NUP205: variants seen among roughly 807,000 people sequenced by gnomAD.
The protein encoded by NUP205 is nuclear pore complex protein Nup205.
Under a neutral mutation model 253.8 loss-of-function variants are expected in NUP205, and 76 were observed. That is an observed-to-expected ratio of 0.30 (90% CI 0.25 to 0.36). NUP205 has a LOEUF of 0.36. Among genes scored for constraint, NUP205 ranks in the 10% least tolerant of loss-of-function variants. The pLI, the probability that NUP205 is intolerant of heterozygous loss-of-function variation, is 1.00. For missense variants in NUP205, 2,162 were observed against 2,425.5 expected (o/e 0.89, Z 2.28); for synonymous variants, 832 against 850.1 (o/e 0.98, Z 0.37).
At chr7:135,567,130 A>G (rs1171248005) in intron 1 of NUP205, among the ~76,000 whole-genome samples, 68 of 2,434 alleles carry the variant, frequency 0.028, 1 homozygote, top group African/African-American at 0.079. Flanking sequence ...CTATGTGTGT[A>G]TATATATATA....
chr7:135,606,796 G>A lies in NUP205; in HGVS notation c.2951G>A (p.Arg984Lys). 1 of 1,613,802 alleles carries A rather than the reference G, an allele frequency of 6.2e-7. No homozygotes were observed. Among genetic ancestry groups the A allele is most frequent in the Admixed American group, 1.7e-5 (1 of 60,010 alleles). ...KKLVAIRHET[R>K]IHILNLLITS... ...TTAGTTGCAATTCGTCATGAAACAA[G>A]AATCCACATCTTGAATCTTCTCATT... Residue 984 changes from arginine (R) to lysine (K), a missense_variant, in exon 21 of 43, where the codon AGA becomes AAA. By Grantham distance (26) the Arg-to-Lys change is conservative. Coordinates refer to ENST00000285968, the MANE Select transcript of NUP205 (RefSeq NM_015135.3).
rs1380309980 is a variant in NUP205 at position 135,648,384 on chromosome 7, G to A, written c.5887-20G>A. 6.5e-7 allele frequency: 1 copy of A among 1,528,974 alleles called. No individual in the cohort carries two copies. Among genetic ancestry groups the A allele is most frequent in the African/African-American group, 1.4e-5 (1 of 69,810 alleles). 94.7% of individuals were successfully genotyped at this position (1,528,974 alleles called of 1,614,324 possible). A position where few individuals can be genotyped will look rare whatever the true frequency, so the allele number is the denominator to read the frequency against. On this transcript the variant is annotated intron_variant, in intron 42 of 42. Transcript: ENST00000285968. ...TTTGAGACAACAATTTTAACAAAAT[G>A]TCTTTTGTGTCACCGCTAGCTTCAG...
At chr7:135,587,546 AT>A (rs778259470) in intron 8 of NUP205, 28 bp from the exon 9 acceptor site, 13 of 1,355,976 alleles carry the variant, frequency 9.6e-6, no homozygotes, top group Non-Finnish European at 1.3e-5. Flanking sequence ...ACATTTACAT[AT>A]TAAAACTATA....
chr7:135,632,452 C>G (rs1794732977), intron 35 of NUP205, among the ~76,000 whole-genome samples: 1 of 152,070 alleles, frequency 6.6e-6, no homozygotes, highest in Admixed American at 6.5e-5. Context: ...CGAGGCTACA[C>G]TACCTCCATT....
At chr7:135,647,985 A>G (rs1795042514) in intron 42 of NUP205, among the ~76,000 whole-genome samples, 1 of 152,134 alleles carries the variant, frequency 6.6e-6, no homozygotes, top group Admixed American at 6.6e-5. Context: ...ATGAAGTAAA[A>G]AGTAAAAGCT....
At chr7:135,619,305 G>A (rs1469654001) in intron 28 of NUP205, 118 bp from the exon 29 acceptor site, 3 of 1,050,432 alleles carry the variant, frequency 2.9e-6, no homozygotes, top group East Asian at 4.7e-5. Context: ...TTATGCTACT[G>A]CACTCCAGCC....
intron 15 of NUP205, among the ~76,000 whole-genome samples, chr7:135,599,661 T>G (rs548248045): frequency 6.6e-6 from 1 of 152,340 alleles, no homozygotes; most frequent in African/African-American, 2.4e-5. Context: ...CCATATTCTC[T>G]CCAGATGCTA....
At chr7:135,603,068 G>T in intron 18 of NUP205, 74 bp downstream of exon 18, 1 of 1,064,488 alleles carries the variant, frequency 9.4e-7, no homozygotes. Flanking sequence ...AATCTGGTTA[G>T]GTATCTAGTG....
At chr7:135,561,365 A>G (rs1805575922) in intron 1 of NUP205, among the ~76,000 whole-genome samples, 1 of 152,106 alleles carries the variant, frequency 6.6e-6, no homozygotes. Context: ...AACAAAAAAC[A>G]AACAAAAAAA....
intron 36 of NUP205, among the ~76,000 whole-genome samples, chr7:135,636,894 T>C (rs1025962951): frequency 5.3e-5 from 8 of 152,130 alleles, no homozygotes; most frequent in Non-Finnish European, 1.5e-5. Context: ...TAGTCCCAGC[T>C]ACCTGGGGGG....
At chr7:135,571,309 G>C in intron 2 of NUP205, 62 bp downstream of exon 2, 3 of 1,068,204 alleles carry the variant, frequency 2.8e-6, no homozygotes, top group Non-Finnish European at 3.7e-6. Flanking sequence ...GAGGAAGGAA[G>C]TAAACTCTTT....
chr7:135,610,890 G>A (rs1029107344), intron 22 of NUP205, among the ~76,000 whole-genome samples: 4 of 152,122 alleles, frequency 2.6e-5, no homozygotes, highest in African/African-American at 7.2e-5. Context: ...CTTTAAGAAC[G>A]GAGATTTCTT....
chr7:135,564,419 TTG>T (rs1272876155), intron 1 of NUP205, among the ~76,000 whole-genome samples: 3 of 151,280 alleles, frequency 2.0e-5, no homozygotes, highest in Non-Finnish European at 2.9e-5. Flanking sequence ...GCTAATTTTT[TTG>T]TGTGTGTTTA....
chr7:135,639,478 G>A (rs1256519238), intron 38 of NUP205, among the ~76,000 whole-genome samples: 2 of 151,944 alleles, frequency 1.3e-5, no homozygotes, highest in Non-Finnish European at 2.9e-5. Flanking sequence ...TTAACTGAGG[G>A]CAGGAGTTCA....
chr7:135,625,391 AGTC>A, intron 32 of NUP205, 36 bp downstream of exon 32: 1 of 1,494,534 alleles, frequency 6.7e-7, no homozygotes, highest in Non-Finnish European at 9.0e-7. Flanking sequence ...TAGATCAAGA[AGTC>A]GTTTTCTCTT....
intron 1 of NUP205, among the ~76,000 whole-genome samples, chr7:135,561,421 T>G (rs1402390954): frequency 6.6e-6 from 1 of 152,228 alleles, no homozygotes; most frequent in Non-Finnish European, 1.5e-5. Flanking sequence ...TCTTGTGACC[T>G]GTATCAACCT....
Position 135,602,800 on chromosome 7 carries a change from G to A in NUP205, c.2513-5G>A. The A allele has an allele frequency of 6.3e-7, 1 of 1,598,642 alleles. No homozygotes were observed. The highest frequency in any genetic ancestry group is 8.5e-7 in the Non-Finnish European group (1 of 1,175,502). On this transcript the variant is annotated splice_polypyrimidine_tract_variant and splice_region_variant and intron_variant, in intron 17 of 42. Coordinates refer to ENST00000285968, the MANE Select transcript of NUP205 (RefSeq NM_015135.3). Reference sequence around the variant, plus strand: ...GAACTTTCTAACTTTATTTTTGGTTGATAGGGAAAAAACACCTGGAGAAAG... The same window carrying A: ...GAACTTTCTAACTTTATTTTTGGTTAATAGGGAAAAAACACCTGGAGAAAG...
chr7:135,607,035 G>C, intron 21 of NUP205, 120 bp downstream of exon 21: 1 of 1,182,402 alleles, frequency 8.5e-7, no homozygotes, highest in Non-Finnish European at 1.2e-6. Context: ...GAAAGGTAAT[G>C]TGATGGATGG....
chr7:135,637,011 T>C (rs1794822144), intron 36 of NUP205, among the ~76,000 whole-genome samples: 1 of 152,132 alleles, frequency 6.6e-6, no homozygotes, highest in African/African-American at 2.4e-5. Flanking sequence ...GTCTCCAAAA[T>C]AAATAAATAA....
Sources: gnomAD v4.1 joint callset for allele counts (sites outside exome capture counted in the v4.1 genomes callset) on GRCh38, gnomAD v4.1.1 for gene constraint, MANE v1.5 for transcripts, NCBI Gene and HGNC (gene_info 2026-07-23, HGNC 2026-07-21) for gene names.